CNTN5: variants seen among roughly 807,000 people sequenced by gnomAD.
CNTN5 encodes contactin 5.
CNTN5 carries 77 observed loss-of-function variants against 129.1 expected under a neutral mutation model. The ratio of observed to expected loss-of-function variants is 0.60; its 90% CI spans 0.50 to 0.72. CNTN5 has a LOEUF of 0.72. CNTN5 is among the 30% of genes least tolerant of loss of function. The pLI, the probability that CNTN5 is intolerant of heterozygous loss-of-function variation, is 0.00. For synonymous variants in CNTN5, 509 were observed against 465.6 expected (o/e 1.09, Z -1.20); for missense variants, 1,478 against 1,328.8 (o/e 1.11, Z -1.75).
chr11:99,675,808 C>T (rs1012182063), intron 3 of CNTN5, among the ~76,000 whole-genome samples: 3 of 152,102 alleles, frequency 2.0e-5, no homozygotes, highest in Non-Finnish European at 2.9e-5. Flanking sequence ...TATATGGGTA[C>T]TAAATTGTGA....
intron 3 of CNTN5, among the ~76,000 whole-genome samples, chr11:99,666,272 T>C (rs531588694): frequency 1.3e-5 from 2 of 152,268 alleles, no homozygotes; most frequent in African/African-American, 4.8e-5. Flanking sequence ...CCAGTCAAAT[T>C]CTTAACTTTT....
intron 2 of CNTN5, among the ~76,000 whole-genome samples, chr11:99,548,634 G>T: frequency 6.6e-6 from 1 of 152,130 alleles, no homozygotes; most frequent in East Asian, 1.9e-4. Flanking sequence ...TTCCTTATTT[G>T]CTTTAGCAAT....
At chr11:100,037,087 A>G (rs1942060290) in intron 9 of CNTN5, among the ~76,000 whole-genome samples, 1 of 152,116 alleles carries the variant, frequency 6.6e-6, no homozygotes, top group African/African-American at 2.4e-5. Flanking sequence ...CCCATTCACT[A>G]TGATATTGGC....
At chr11:100,041,006 C>G (rs1328318757) in intron 9 of CNTN5, among the ~76,000 whole-genome samples, 1 of 152,108 alleles carries the variant, frequency 6.6e-6, no homozygotes, top group African/African-American at 2.4e-5. Context: ...TCTGGCACTC[C>G]CCAGTGAGAT....
At chr11:99,880,985 G>C (rs758767293) in intron 6 of CNTN5, among the ~76,000 whole-genome samples, 7 of 152,174 alleles carry the variant, frequency 4.6e-5, no homozygotes, top group Non-Finnish European at 1.0e-4. Context: ...GCTATCCACT[G>C]AGAAAATTAA....
In CNTN5 at chr11:100,103,451, T is replaced by C. The variant is rs1335815078; in HGVS notation, c.1580+29157T>C. 2.0e-5 allele frequency among the ~76,000 whole-genome samples: 3 copies of C among 152,164 alleles called. No individual in the cohort carries two copies. In the South Asian group the frequency reaches 6.2e-4, roughly 31 times the overall value. On this transcript the variant is annotated intron_variant, in intron 13 of 24. Coordinates refer to ENST00000524871, the MANE Select transcript of CNTN5 (RefSeq NM_014361.4). ...AACCTTGTAATGGGAATTTGAACAG[T>C]TATTACATTTTTCTTGTTAAAACCA...
At chr11:99,530,422 A>AAAGG (rs1947653300) in intron 2 of CNTN5, among the ~76,000 whole-genome samples, 1 of 152,186 alleles carries the variant, frequency 6.6e-6, no homozygotes, top group African/African-American at 2.4e-5. Context: ...TTCATACAAT[A>AAAGG]ACAAACACTT....
chr11:99,964,959 C>T (rs1048188393), intron 8 of CNTN5, among the ~76,000 whole-genome samples: 3 of 152,180 alleles, frequency 2.0e-5, no homozygotes, highest in African/African-American at 7.2e-5. Context: ...GAGATGTTTA[C>T]AGTATTCTCT....
chr11:99,824,492 T>A (rs953737063), intron 4 of CNTN5, among the ~76,000 whole-genome samples: 2 of 152,164 alleles, frequency 1.3e-5, no homozygotes, highest in Middle Eastern at 3.4e-3. Flanking sequence ...TACAAATCAG[T>A]TGGTCACTGG....
intron 1 of CNTN5, among the ~76,000 whole-genome samples, chr11:99,085,201 C>A (rs778561303): frequency 6.6e-6 from 1 of 151,924 alleles, no homozygotes; most frequent in Non-Finnish European, 1.5e-5. Context: ...GGTACCCCCA[C>A]GCCCAGCTAA....
At chr11:99,763,017 T>C (rs1018429165) in intron 3 of CNTN5, among the ~76,000 whole-genome samples, 2 of 152,166 alleles carry the variant, frequency 1.3e-5, no homozygotes, top group Admixed American at 6.6e-5. Context: ...CCCAAATCTA[T>C]GCCAGTGTTT....
At chr11:99,896,490 T>G (rs964977413) in intron 6 of CNTN5, among the ~76,000 whole-genome samples, 2 of 152,118 alleles carry the variant, frequency 1.3e-5, no homozygotes, top group Admixed American at 6.6e-5. Flanking sequence ...AGGCACGTGA[T>G]GTACCCCACA....
chr11:99,704,843 T>C (rs1458585454), intron 3 of CNTN5, among the ~76,000 whole-genome samples: 1 of 151,324 alleles, frequency 6.6e-6, no homozygotes, highest in African/African-American at 2.4e-5. Flanking sequence ...ATTTCCTCTT[T>C]GTCATCAGTG....
chr11:100,295,933 A>G (rs1463389579), intron 18 of CNTN5, among the ~76,000 whole-genome samples: 1 of 151,410 alleles, frequency 6.6e-6, no homozygotes, highest in Non-Finnish European at 1.5e-5. Context: ...ATGTGTGTGT[A>G]TATACATTTA....
chr11:99,381,273 A>G (rs575348226), intron 2 of CNTN5, among the ~76,000 whole-genome samples: 1 of 152,206 alleles, frequency 6.6e-6, no homozygotes, highest in Non-Finnish European at 1.5e-5. Context: ...GGGAAGAGAC[A>G]TAGTTTCAAA....
At chr11:100,249,779 T>C (rs1949925951) in intron 16 of CNTN5, among the ~76,000 whole-genome samples, 1 of 152,150 alleles carries the variant, frequency 6.6e-6, no homozygotes. Flanking sequence ...AGTAGAATCA[T>C]TAACAGGCCT....
chr11:99,585,308 A>G (rs1949757059), intron 3 of CNTN5, among the ~76,000 whole-genome samples: 2 of 152,220 alleles, frequency 1.3e-5, no homozygotes, highest in Admixed American at 6.5e-5. Flanking sequence ...CTCTTTTTTG[A>G]CTACATATGT....
chr11:99,843,444 C>T (rs1044722403), intron 4 of CNTN5, among the ~76,000 whole-genome samples: 2 of 152,018 alleles, frequency 1.3e-5, no homozygotes, highest in Non-Finnish European at 2.9e-5. Context: ...CATCTTTTCC[C>T]AGAATTTTTT....
chr11:99,989,782 A>T (rs7120018), intron 8 of CNTN5, among the ~76,000 whole-genome samples: 56,427 of 151,678 alleles, frequency 0.37, 11,714 homozygotes, highest in African/African-American at 0.56. Context: ...TTTGTGTGTG[A>T]GAGAACTGAG....
Sources: gnomAD v4.1 joint callset for allele counts (sites outside exome capture counted in the v4.1 genomes callset) on GRCh38, gnomAD v4.1.1 for gene constraint, MANE v1.5 for transcripts, NCBI Gene and HGNC (gene_info 2026-07-23, HGNC 2026-07-21) for gene names.